FAM222A: variants seen among roughly 807,000 people sequenced by gnomAD.
The protein encoded by FAM222A is protein FAM222A.
Under a neutral mutation model 25.8 loss-of-function variants are expected in FAM222A, and 7 were observed. The ratio of observed to expected loss-of-function variants is 0.27; its 90% CI spans 0.15 to 0.51. The LOEUF is 0.51. Among genes scored for constraint, FAM222A ranks in the 20% least tolerant of loss-of-function variants. The pLI, the probability that FAM222A is intolerant of heterozygous loss-of-function variation, is 0.97. For missense variants in FAM222A, 573 were observed against 640.5 expected, an observed-to-expected ratio of 0.89 and a Z score of 1.14; for synonymous variants, 294 against 298.8, an observed-to-expected ratio of 0.98 and a Z score of 0.17.
At chr12:109,739,921 C>T (rs1197139780) in intron 1 of FAM222A, among the ~76,000 whole-genome samples, 3 of 152,178 alleles carry the variant, frequency 2.0e-5, no homozygotes, top group Admixed American at 1.3e-4. Context: ...AGAGGGCAGT[C>T]AATACATGCT....
At chr12:109,754,661 G>T (rs968256318) in intron 2 of FAM222A, among the ~76,000 whole-genome samples, 2 of 149,850 alleles carry the variant, frequency 1.3e-5, no homozygotes, top group African/African-American at 2.5e-5. Context: ...CAGTAGTTTG[G>T]GACTCTTTTT....
intron 1 of FAM222A, among the ~76,000 whole-genome samples, chr12:109,730,410 G>T (rs1232296963): frequency 1.3e-5 from 2 of 151,648 alleles, no homozygotes; most frequent in Non-Finnish European, 1.5e-5. Context: ...GGGGGGCGGG[G>T]GGGGGGGTTC....
chr12:109,750,716 ACTC>A (rs1288329751), intron 2 of FAM222A, among the ~76,000 whole-genome samples: 6 of 150,392 alleles, frequency 4.0e-5, no homozygotes, highest in South Asian at 4.2e-4. Flanking sequence ...TGTGAACAAT[ACTC>A]CTGGAGTTTC....
chr12:109,741,877 G>T (rs1888249933), intron 1 of FAM222A, among the ~76,000 whole-genome samples: 1 of 152,236 alleles, frequency 6.6e-6, no homozygotes, highest in African/African-American at 2.4e-5. Flanking sequence ...GCCAAGCTCA[G>T]TGGTGAGGGG....
Position 109,751,024 on chromosome 12 carries a change from G to A in FAM222A, c.82+6796G>A, listed in dbSNP as rs920106164. On this transcript the variant is annotated intron_variant, in intron 2 of 2. Transcript: ENST00000538780. ...TTGTGCCCTTTCAGTTTGCAGATCC[G>A]AGGCTTGTATTTTAGTTTCCTTCCT... Among the ~76,000 whole-genome samples the A allele has an allele frequency of 2.6e-5, 4 of 152,206 alleles. 1 individual carries two copies. Among genetic ancestry groups the A allele is most frequent in the East Asian group, 3.9e-4 (2 of 5,174 alleles).
intron 2 of FAM222A, among the ~76,000 whole-genome samples, chr12:109,758,220 G>A (rs1485230655): frequency 6.6e-6 from 1 of 152,192 alleles, no homozygotes; most frequent in Non-Finnish European, 1.5e-5. Context: ...GCTTGCGTGT[G>A]TGCACATGTT....
intron 1 of FAM222A, among the ~76,000 whole-genome samples, chr12:109,732,835 C>T (rs1346853343): frequency 6.6e-6 from 1 of 152,280 alleles, no homozygotes; most frequent in Non-Finnish European, 1.5e-5. Flanking sequence ...CCAGGCCCAT[C>T]ATCCCTACCT....
Position 109,714,248 on chromosome 12 carries a change from TC to T in FAM222A, c.-690del. 10 of 194,960 alleles carry T rather than the reference TC, an allele frequency of 5.1e-5. No homozygotes were observed. The highest frequency in any genetic ancestry group is 8.3e-5 in the Non-Finnish European group (8 of 95,826). The allele number at this position is 194,960 out of a possible 1,614,324, so 12.1% of individuals were successfully genotyped here. A position where few individuals can be genotyped will look rare whatever the true frequency, so the allele number is the denominator to read the frequency against. On this transcript the variant is annotated 5_prime_UTR_variant, in exon 1 of 3. Coordinates refer to ENST00000538780, the MANE Select transcript of FAM222A (RefSeq NM_032829.3). The surrounding 1 kb of genome is among the most constrained non-coding windows in gnomAD (Gnocchi z 4.2). ...GCCGCCGCTGTTCGCCGGCTTCCCC[TC>T]CCCCCACACCCGGGGCTCAGAGCAG...
At chr12:109,763,533 T>G (rs1363919164) in intron 2 of FAM222A, among the ~76,000 whole-genome samples, 1 of 152,194 alleles carries the variant, frequency 6.6e-6, no homozygotes, top group Non-Finnish European at 1.5e-5. Context: ...TCTCACATGG[T>G]CTTCTTGGCT....
intron 2 of FAM222A, among the ~76,000 whole-genome samples, chr12:109,761,442 G>A (rs1888893583): frequency 6.6e-6 from 1 of 152,210 alleles, no homozygotes; most frequent in African/African-American, 2.4e-5. Flanking sequence ...ACTGGCTGCT[G>A]GCAATTATAG....
intron 1 of FAM222A, among the ~76,000 whole-genome samples, chr12:109,732,385 GGA>G (rs999797401): frequency 6.6e-6 from 1 of 152,250 alleles, no homozygotes; most frequent in Non-Finnish European, 1.5e-5. Flanking sequence ...GTGCATTTGG[GGA>G]GTGTCTGGCC....
intron 1 of FAM222A, among the ~76,000 whole-genome samples, chr12:109,724,572 G>T (rs1014809501): frequency 6.6e-6 from 1 of 152,202 alleles, no homozygotes; most frequent in African/African-American, 2.4e-5. Flanking sequence ...TTCCCCCGGG[G>T]CCTGCGTGAG....
chr12:109,766,796 G>A (rs546402952), intron 2 of FAM222A, among the ~76,000 whole-genome samples: 12 of 152,240 alleles, frequency 7.9e-5, no homozygotes, highest in African/African-American at 2.2e-4. Flanking sequence ...ATTTTCTCCC[G>A]AAGCCGGGCA....
intron 1 of FAM222A, among the ~76,000 whole-genome samples, chr12:109,730,852 G>A (rs1887934785): frequency 1.3e-5 from 2 of 152,156 alleles, no homozygotes; most frequent in Admixed American, 6.5e-5. Flanking sequence ...AAGGATCCCT[G>A]CCCTCCTCCC....
At chr12:109,767,221 A>G (rs1478541429) in intron 2 of FAM222A, among the ~76,000 whole-genome samples, 1 of 151,750 alleles carries the variant, frequency 6.6e-6, no homozygotes, top group Non-Finnish European at 1.5e-5. Context: ...AAACAACCCA[A>G]ATGCCATCAA....
intron 1 of FAM222A, among the ~76,000 whole-genome samples, chr12:109,717,136 C>T (rs2079878058): frequency 1.3e-5 from 2 of 152,214 alleles, no homozygotes; most frequent in Non-Finnish European, 2.9e-5. Context: ...GAGGGGGAGT[C>T]TGGCCCCACC....
At chr12:109,756,520 A>G (rs191212283) in intron 2 of FAM222A, among the ~76,000 whole-genome samples, 17 of 151,774 alleles carry the variant, frequency 1.1e-4, no homozygotes, top group African/African-American at 4.1e-4. Flanking sequence ...ACCGTGAAGT[A>G]TGATGTTAAC....
intron 1 of FAM222A, among the ~76,000 whole-genome samples, chr12:109,725,427 T>TCTCCCTCCCTCTCCCTCCCC (rs1555288248): frequency 1.6e-5 from 2 of 127,242 alleles, no homozygotes; most frequent in Non-Finnish European, 3.3e-5. Context: ...CTCTTCTCCC[T>TCTCCCTCCCTCTCCCTCCCC]CTCCCTCCCC....
intron 2 of FAM222A, among the ~76,000 whole-genome samples, chr12:109,760,424 G>C (rs1039736416): frequency 6.6e-6 from 1 of 152,204 alleles, no homozygotes; most frequent in Admixed American, 6.5e-5. Flanking sequence ...CCCAGTGACT[G>C]AGAGCAGGAG....
Sources: allele counts gnomAD v4.1 joint callset (sites outside exome capture counted in the v4.1 genomes callset), GRCh38; gene constraint gnomAD v4.1.1; non-coding constraint Gnocchi (gnomAD v3.1); transcripts MANE v1.5; gene names NCBI Gene and HGNC (gene_info 2026-07-23, HGNC 2026-07-21).